ABCG2: variants seen among roughly 807,000 people sequenced by gnomAD.
ABCG2 encodes the protein ATP binding cassette subfamily G member 2 (JR blood group).
ABCG2 carries 80 observed loss-of-function variants against 73.5 expected under a neutral mutation model. The ratio of observed to expected loss-of-function variants is 1.09; its 90% confidence interval spans 0.91 to 1.31. The LOEUF (loss-of-function observed/expected upper bound fraction) is 1.31, where lower values mean the gene tolerates loss of function less well. ABCG2 is among the 50% of genes most tolerant of loss of function. The pLI, the probability that ABCG2 is intolerant of heterozygous loss-of-function variation, is 0.00. For synonymous variants in ABCG2, 269 were observed against 282.4 expected, an observed-to-expected ratio of 0.95 and a Z score of 0.48; for missense variants, 796 against 786.2, an observed-to-expected ratio of 1.01 and a Z score of -0.15.
chr4:88,108,697 T>C (rs1722921179), intron 9 of ABCG2, among the ~76,000 whole-genome samples: 2 of 152,218 alleles, frequency 1.3e-5, no homozygotes, highest in Admixed American at 1.3e-4. Flanking sequence ...AAGGACACTT[T>C]TGGCATGAAG....
chr4:88,131,172 TAAG>T lies in ABCG2; in HGVS notation c.417_419del (p.Asn139_Leu140delinsLys). On this transcript the variant is annotated inframe_deletion, in exon 5 of 16. Coordinates refer to ENST00000237612, the MANE Select transcript of ABCG2 (RefSeq NM_004827.3). ...CAAGCCGAAGAGCTGCTGAGAACTG[TAAG>T]TTTTCTCTCACCGTCAGAGTGCCCA... 1 of 1,614,076 alleles carries T rather than the reference TAAG, an allele frequency of 6.2e-7. No homozygotes were observed. Among genetic ancestry groups the T allele is most frequent in the Non-Finnish European group, 8.5e-7 (1 of 1,179,970 alleles).
At chr4:88,170,424 G>T (rs538123966) in intron 1 of ABCG2, among the ~76,000 whole-genome samples, 5 of 152,200 alleles carry the variant, frequency 3.3e-5, no homozygotes, top group Non-Finnish European at 7.3e-5. Context: ...CTTCCCAGCC[G>T]GAGATGACTT....
intron 15 of ABCG2, among the ~76,000 whole-genome samples, chr4:88,094,225 C>A (rs1231245342): frequency 6.6e-6 from 1 of 152,138 alleles, no homozygotes; most frequent in African/African-American, 2.4e-5. Context: ...GAACCATAAG[C>A]CCTTGATAAA....
chr4:88,094,213 A>G (rs1357203500), intron 15 of ABCG2, among the ~76,000 whole-genome samples: 1 of 152,208 alleles, frequency 6.6e-6, no homozygotes, highest in East Asian at 1.9e-4. Context: ...CATACAGTTC[A>G]GGAACCATAA....
At chr4:88,208,252 C>T (rs1729455109) in intron 1 of ABCG2, among the ~76,000 whole-genome samples, 1 of 152,166 alleles carries the variant, frequency 6.6e-6, no homozygotes, top group Admixed American at 6.5e-5. Flanking sequence ...TCATTCTACT[C>T]ATAGCTAAGA....
chr4:88,135,098 A>C (rs2110047064), intron 2 of ABCG2, among the ~76,000 whole-genome samples: 1 of 152,288 alleles, frequency 6.6e-6, no homozygotes, highest in South Asian at 2.1e-4. Context: ...ACAAAGCTGA[A>C]AATGTTTATT....
At chr4:88,153,889 T>TC in intron 1 of ABCG2, among the ~76,000 whole-genome samples, 1 of 152,228 alleles carries the variant, frequency 6.6e-6, no homozygotes, top group East Asian at 1.9e-4. Flanking sequence ...AGTAGTAGAA[T>TC]AGCAGATGGA....
chr4:88,196,379 AT>A (rs954453837), intron 1 of ABCG2, among the ~76,000 whole-genome samples: 1 of 152,196 alleles, frequency 6.6e-6, no homozygotes, highest in African/African-American at 2.4e-5. Flanking sequence ...TGTCTTAATT[AT>A]CTTTAACCAC....
intron 10 of ABCG2, among the ~76,000 whole-genome samples, chr4:88,102,167 C>T (rs1722468247): frequency 6.6e-6 from 1 of 152,172 alleles, no homozygotes. Flanking sequence ...GCTAAGACAG[C>T]CAGCCCTCTA....
chr4:88,098,431 C>T (rs997135324), intron 12 of ABCG2, among the ~76,000 whole-genome samples: 13 of 151,612 alleles, frequency 8.6e-5, no homozygotes, highest in African/African-American at 3.2e-4. Flanking sequence ...TCCACATCTA[C>T]CAAACAAGTA....
chr4:88,182,991 A>C (rs546796997), intron 1 of ABCG2, among the ~76,000 whole-genome samples: 8 of 147,526 alleles, frequency 5.4e-5, no homozygotes, highest in Admixed American at 2.8e-4. Context: ...AGGCTGAGGT[A>C]GGAGAATCAC....
At position 88,195,405 on chromosome 4, in the gene ABCG2, T is replaced by G. The variant is rs145312577; in HGVS notation, c.-20+35589A>C. ...TGTTCCGGGCTATCCAGAAAACAGA[T>G]AGGGTCCATATAATATGTGGTCGGC... On this transcript the variant is annotated intron_variant, in intron 1 of 15. Transcript: ENST00000515655. 4.5e-3 allele frequency among the ~76,000 whole-genome samples: 687 copies of G among 152,236 alleles called. 3 individuals carry two copies. Among genetic ancestry groups the G allele is most frequent in the African/African-American group, 0.015 (640 of 41,540 alleles).
Position 88,217,044 on chromosome 4 carries a change from AT to A in ABCG2, c.-20+13949del, listed in dbSNP as rs1282806813. On this transcript the variant is annotated intron_variant, in intron 1 of 15. Transcript: ENST00000515655. Reference sequence around the variant, plus strand: ...AGACTCCGTCTCAAAAAAAAAAAAAATTTTTTTTTTACATTTTATTCCCTGC... The same window carrying A: ...AGACTCCGTCTCAAAAAAAAAAAAAATTTTTTTTTACATTTTATTCCCTGC... Among the ~76,000 whole-genome samples, 12 of 149,748 alleles carry A rather than the reference AT, an allele frequency of 8.0e-5. No individual in the cohort carries two copies. In the East Asian group the frequency reaches 1.4e-3, roughly 17 times the overall value.
Position 88,118,163 on chromosome 4 carries a change from T to G in ABCG2, c.787A>C (p.Arg263=). 2 of 1,614,140 alleles carry G rather than the reference T, an allele frequency of 1.2e-6. No individual in the cohort carries two copies. Among genetic ancestry groups the G allele is most frequent in the Non-Finnish European group, 1.7e-6 (2 of 1,180,006 alleles). ...TGAGCAGGCCCGTGGAACATAAGTC[T>G]TCCTGAGGCCAATAAGGTGAGGCTA... ...FDSLTLLASG[R]LMFHGPAQEA... The change falls in exon 7 of 16, where the codon AGA becomes CGA. Residue 263 remains arginine (R), a synonymous_variant. Coordinates refer to ENST00000237612, the MANE Select transcript of ABCG2 (RefSeq NM_004827.3).
At chr4:88,099,516 G>A (rs375329770) in intron 11 of ABCG2, 68 bp from the exon 12 acceptor site, 1 of 1,477,832 alleles carries the variant, frequency 6.8e-7, no homozygotes, top group Non-Finnish European at 9.0e-7. Flanking sequence ...GGCTAGACTT[G>A]TCTGTTACAG....
chr4:88,126,562 CA>C (rs1390501695), intron 5 of ABCG2, among the ~76,000 whole-genome samples: 6 of 152,182 alleles, frequency 3.9e-5, no homozygotes, highest in African/African-American at 1.4e-4. Context: ...AGCAGCATAT[CA>C]AAAACCTTAT....
At chr4:88,177,919 C>T (rs75166992) in intron 1 of ABCG2, among the ~76,000 whole-genome samples, 2 of 152,248 alleles carry the variant, frequency 1.3e-5, no homozygotes, top group Non-Finnish European at 2.9e-5. Context: ...TGGTCAGGAC[C>T]AGAGTTCCAG....
At chr4:88,218,306 G>A (rs1729887440) in intron 1 of ABCG2, among the ~76,000 whole-genome samples, 1 of 152,080 alleles carries the variant, frequency 6.6e-6, no homozygotes, top group African/African-American at 2.4e-5. Flanking sequence ...TTTGTTTATT[G>A]TTTATTATTT....
At chr4:88,191,032 C>T (rs1305327263) in intron 1 of ABCG2, among the ~76,000 whole-genome samples, 8 of 150,818 alleles carry the variant, frequency 5.3e-5, no homozygotes, top group African/African-American at 1.7e-4. Flanking sequence ...GTCAGGAGAT[C>T]AAGACCATCC....
Sources: gnomAD v4.1 joint callset for allele counts (sites outside exome capture counted in the v4.1 genomes callset) on GRCh38, gnomAD v4.1.1 for gene constraint, MANE v1.5 for transcripts, NCBI Gene and HGNC (gene_info 2026-07-23, HGNC 2026-07-21) for gene names.